DGKB: variants seen among roughly 807,000 people sequenced by gnomAD.
DGKB encodes the protein 90 kDa diacylglycerol kinase.
A neutral mutation model predicts 114.3 loss-of-function variants in DGKB; 67 were observed. The observed-to-expected ratio is 0.59, with a 90% CI of 0.48 to 0.72. The LOEUF is 0.72. Ranked by LOEUF, DGKB falls within the 30% of genes least tolerant of loss-of-function variation. DGKB has a pLI of 0.00. For missense variants in DGKB, 907 were observed against 975.2 expected (o/e 0.93, Z 0.93); for synonymous variants, 398 against 323.1 (o/e 1.23, Z -2.49).
intron 2 of DGKB, among the ~76,000 whole-genome samples, chr7:14,771,640 T>C (rs1174354392): frequency 1.3e-5 from 2 of 152,106 alleles, no homozygotes; most frequent in Non-Finnish European, 2.9e-5. Flanking sequence ...ACCCTGTATA[T>C]TGTGACTTAC....
intron 20 of DGKB, among the ~76,000 whole-genome samples, chr7:14,517,458 T>C (rs966747134): frequency 5.3e-5 from 8 of 150,874 alleles, no homozygotes; most frequent in Non-Finnish European, 3.0e-5. Context: ...AACCCAAAAA[T>C]TAACAAATGG....
At chr7:14,308,822 G>A (rs1450103775) in intron 23 of DGKB, among the ~76,000 whole-genome samples, 1 of 152,112 alleles carries the variant, frequency 6.6e-6, no homozygotes, top group African/African-American at 2.4e-5. Flanking sequence ...TGAAACAATG[G>A]GACACATTTT....
chr7:14,179,551 A>G (rs1290430505), intron 23 of DGKB, among the ~76,000 whole-genome samples: 1 of 152,172 alleles, frequency 6.6e-6, no homozygotes, highest in South Asian at 2.1e-4. Flanking sequence ...CTTTGTACAG[A>G]AAGTGCTCAC....
intron 19 of DGKB, among the ~76,000 whole-genome samples, chr7:14,580,094 C>T (rs1000826420): frequency 3.3e-5 from 5 of 152,162 alleles, no homozygotes; most frequent in African/African-American, 7.2e-5. Flanking sequence ...TCCAAATATT[C>T]TCTCTTTGCT....
intron 2 of DGKB, among the ~76,000 whole-genome samples, chr7:14,771,534 C>G (rs1181207802): frequency 6.6e-6 from 1 of 152,066 alleles, no homozygotes; most frequent in Non-Finnish European, 1.5e-5. Context: ...GAGGACAAAG[C>G]TCTGATTTTT....
chr7:14,341,865 T>TTCTTCAA (rs1811656628), intron 22 of DGKB, among the ~76,000 whole-genome samples: 1 of 151,850 alleles, frequency 6.6e-6, no homozygotes, highest in Non-Finnish European at 1.5e-5. Context: ...GAGCTCTAAG[T>TTCTTCAA]GTGGATGGTA....
intron 25 of DGKB, among the ~76,000 whole-genome samples, chr7:14,157,704 G>T (rs1010722058): frequency 1.3e-5 from 2 of 152,034 alleles, no homozygotes; most frequent in Non-Finnish European, 2.9e-5. Context: ...TAAGTTAGTT[G>T]TCAGGGAAGG....
intron 13 of DGKB, among the ~76,000 whole-genome samples, chr7:14,663,359 A>G (rs185824413): frequency 6.2e-4 from 95 of 152,128 alleles, no homozygotes; most frequent in African/African-American, 2.2e-3. Flanking sequence ...CTTAGTTCAA[A>G]TGCCTGTTTA....
At chr7:14,886,687 T>C (rs1300701112) in intron 1 of DGKB, among the ~76,000 whole-genome samples, 1 of 151,924 alleles carries the variant, frequency 6.6e-6, no homozygotes, top group Non-Finnish European at 1.5e-5. Context: ...CACTCACCTT[T>C]ATTACCACAA....
At chr7:14,860,341 A>G (rs1040758010) in intron 1 of DGKB, among the ~76,000 whole-genome samples, 1 of 152,070 alleles carries the variant, frequency 6.6e-6, no homozygotes. Context: ...GCCTTGTAAC[A>G]TAAGTGTTTC....
At chr7:14,595,004 G>T (rs1039188223) in intron 17 of DGKB, among the ~76,000 whole-genome samples, 2 of 152,178 alleles carry the variant, frequency 1.3e-5, no homozygotes, top group East Asian at 3.9e-4. Context: ...TAACTGAGAA[G>T]GCAGACAAGA....
At chr7:14,369,589 C>T (rs1345949461) in intron 21 of DGKB, among the ~76,000 whole-genome samples, 1 of 152,154 alleles carries the variant, frequency 6.6e-6, no homozygotes, top group Non-Finnish European at 1.5e-5. Flanking sequence ...TCTGTTGCTT[C>T]CTGACTATTT....
At chr7:14,719,742 G>C (rs1041800959) in intron 5 of DGKB, among the ~76,000 whole-genome samples, 1 of 152,046 alleles carries the variant, frequency 6.6e-6, no homozygotes, top group Admixed American at 6.6e-5. Context: ...AGATTCCCAG[G>C]CATATAATTC....
intron 23 of DGKB, among the ~76,000 whole-genome samples, chr7:14,259,354 A>T (rs1259492130): frequency 6.6e-6 from 1 of 151,940 alleles, no homozygotes; most frequent in Non-Finnish European, 1.5e-5. Context: ...CATTCAAAAT[A>T]TAGTAAATTC....
intron 23 of DGKB, among the ~76,000 whole-genome samples, chr7:14,313,133 G>C (rs1805690653): frequency 6.6e-6 from 1 of 152,136 alleles, no homozygotes; most frequent in African/African-American, 2.4e-5. Flanking sequence ...GTTGAATTTT[G>C]ATATAATGCC....
At chr7:14,816,022 T>C (rs1213931916) in intron 2 of DGKB, among the ~76,000 whole-genome samples, 2 of 152,120 alleles carry the variant, frequency 1.3e-5, no homozygotes, top group African/African-American at 4.8e-5. Context: ...AACCACAAAG[T>C]CCTATTCTTT....
intron 2 of DGKB, among the ~76,000 whole-genome samples, chr7:14,764,007 T>A (rs904604629): frequency 2.0e-5 from 3 of 151,924 alleles, no homozygotes; most frequent in African/African-American, 7.2e-5. Context: ...AATTCAGTGC[T>A]TTCAAAAGTT....
At chr7:14,649,515 C>A (rs532219241) in intron 13 of DGKB, among the ~76,000 whole-genome samples, 11 of 151,994 alleles carry the variant, frequency 7.2e-5, no homozygotes, top group Non-Finnish European at 1.6e-4. Flanking sequence ...TGGAAAGGAA[C>A]AACCGGTACC....
intron 20 of DGKB, among the ~76,000 whole-genome samples, chr7:14,525,767 G>A (rs1160633803): frequency 1.3e-5 from 2 of 151,878 alleles, no homozygotes; most frequent in South Asian, 2.1e-4. Flanking sequence ...ATTTTGTTTT[G>A]GTCTTTTTTA....
Sources: gnomAD v4.1 joint callset for allele counts (sites outside exome capture counted in the v4.1 genomes callset) on GRCh38, gnomAD v4.1.1 for gene constraint, MANE v1.5 for transcripts, NCBI Gene and HGNC (gene_info 2026-07-23, HGNC 2026-07-21) for gene names.